The following DSCAML1 variants were observed in gnomAD, a reference collection of about 807,000 sequenced individuals.
DSCAML1 encodes cell adhesion molecule DSCAML1.
DSCAML1 carries 38 observed loss-of-function variants against 200.5 expected under a neutral mutation model. The observed-to-expected ratio is 0.19, with a 90% CI of 0.15 to 0.25. The LOEUF is 0.25. Ranked by LOEUF, DSCAML1 falls within the 10% of genes least tolerant of loss-of-function variation. The pLI is 1.00. For synonymous variants in DSCAML1, 1,215 were observed against 1,165.0 expected (o/e 1.04, Z -0.87); for missense variants, 2,223 against 2,858.8 (o/e 0.78, Z 5.07).
Position 117,505,847 on chromosome 11 carries a change from T to C in DSCAML1, c.1784-115A>G, listed in dbSNP as rs2049485941. On this transcript the variant is annotated intron_variant, in intron 8 of 32. Coordinates refer to ENST00000651296, the MANE Select transcript of DSCAML1 (RefSeq NM_020693.4). This position sits in a 1 kb window ranked among gnomAD's most constrained non-coding sequence, Gnocchi z 6.7. ...GGTTGGGCCTTGAACAAAGATCCCC[T>C]GGGGCACTGCAGCCTTGTTCTCCTA... 1.6e-6 allele frequency: 2 copies of C among 1,288,078 alleles called. No individual in the cohort carries two copies. Among genetic ancestry groups the C allele is most frequent in the Non-Finnish European group, 2.1e-6 (2 of 950,686 alleles). The allele number at this position is 1,288,078 out of a possible 1,614,324, so 79.8% of individuals were successfully genotyped here. A position where few individuals can be genotyped will look rare whatever the true frequency, so the allele number is the denominator to read the frequency against.
chr11:117,568,872 TA>T (rs2050800017), intron 3 of DSCAML1, among the ~76,000 whole-genome samples: 1 of 152,144 alleles, frequency 6.6e-6, no homozygotes, highest in Admixed American at 6.5e-5. Flanking sequence ...AAAACTACTT[TA>T]AAGTTCATGT....
intron 16 of DSCAML1, among the ~76,000 whole-genome samples, chr11:117,467,235 A>G (rs1475853085): frequency 8.7e-6 from 1 of 115,476 alleles, no homozygotes; most frequent in Non-Finnish European, 1.6e-5. Flanking sequence ...ATTCACACCC[A>G]GAACCAGGAA....
intron 1 of DSCAML1, among the ~76,000 whole-genome samples, chr11:117,789,207 C>T (rs974699425): frequency 2.6e-5 from 4 of 152,206 alleles, no homozygotes; most frequent in Non-Finnish European, 4.4e-5. Context: ...GGAGACGCAG[C>T]TATCCTTCAA....
intron 1 of DSCAML1, among the ~76,000 whole-genome samples, chr11:117,810,234 G>A (rs2055749750): frequency 6.7e-6 from 1 of 150,008 alleles, no homozygotes; most frequent in Non-Finnish European, 1.5e-5. Flanking sequence ...CCCAAACTCC[G>A]TGGACCCAAA....
At position 117,761,219 on chromosome 11, in the gene DSCAML1, C is replaced by A. The variant is rs76590644; in HGVS notation, c.511+15572G>T. Among the ~76,000 whole-genome samples, 572 of 152,296 alleles carry A rather than the reference C, an allele frequency of 3.8e-3. 3 individuals carry two copies. The highest frequency in any genetic ancestry group is 0.013 in the African/African-American group (541 of 41,548). On this transcript the variant is annotated intron_variant, in intron 3 of 32. Coordinates refer to ENST00000651296, the MANE Select transcript of DSCAML1 (RefSeq NM_020693.4). ...GAGGTCTCACACTTGGACACCCAGC[C>A]CCCGGAGAAGGCGTCAAACCTGGAC...
chr11:117,809,621 C>T (rs1320364008), intron 1 of DSCAML1, among the ~76,000 whole-genome samples: 1 of 152,218 alleles, frequency 6.6e-6, no homozygotes, highest in Non-Finnish European at 1.5e-5. Flanking sequence ...GGAGGCTGGG[C>T]TCACTCCCTG....
At chr11:117,554,386 A>ATTT (rs2050521046) in intron 3 of DSCAML1, among the ~76,000 whole-genome samples, 1 of 133,196 alleles carries the variant, frequency 7.5e-6, no homozygotes, top group African/African-American at 2.5e-5. Flanking sequence ...ATTATTTATT[A>ATTT]TTTTTATTTT....
At chr11:117,718,668 A>AACCCCCC (rs1491277934) in intron 3 of DSCAML1, among the ~76,000 whole-genome samples, 1 of 25,782 alleles carries the variant, frequency 3.9e-5, no homozygotes, top group African/African-American at 9.4e-5. Context: ...AATACTCAAA[A>AACCCCCC]CCCCCCCCCC....
At chr11:117,451,960 T>C (rs2048291949) in intron 19 of DSCAML1, among the ~76,000 whole-genome samples, 1 of 152,168 alleles carries the variant, frequency 6.6e-6, no homozygotes, top group African/African-American at 2.4e-5. Flanking sequence ...AGTCAATCAT[T>C]TGGGGCTAAA....
intron 3 of DSCAML1, chr11:117,668,510 A>G (rs2053027837): frequency 6.6e-6 from 1 of 152,354 alleles, no homozygotes; most frequent in South Asian, 2.1e-4. Flanking sequence ...TCATTATGCT[A>G]TAGCCCAGCG....
chr11:117,665,126 G>C (rs1384977534), intron 3 of DSCAML1, among the ~76,000 whole-genome samples: 2 of 152,128 alleles, frequency 1.3e-5, no homozygotes, highest in Non-Finnish European at 2.9e-5. Context: ...GAGCCCTCGA[G>C]CTGCTCCCAG....
intron 3 of DSCAML1, among the ~76,000 whole-genome samples, chr11:117,649,310 T>C (rs1027798415): frequency 2.6e-5 from 4 of 152,136 alleles, no homozygotes; most frequent in African/African-American, 9.7e-5. Context: ...ACTCCTGACC[T>C]CAGGTGATCT....
chr11:117,651,191 AC>A (rs2052624792), intron 3 of DSCAML1, among the ~76,000 whole-genome samples: 1 of 152,238 alleles, frequency 6.6e-6, no homozygotes, highest in East Asian at 1.9e-4. Context: ...GTCCATGGCT[AC>A]TGGACCAGGG....
At chr11:117,564,559 G>A (rs2050720358) in intron 3 of DSCAML1, among the ~76,000 whole-genome samples, 1 of 152,030 alleles carries the variant, frequency 6.6e-6, no homozygotes, top group Admixed American at 6.5e-5. Context: ...GCTCTTGCTG[G>A]TCCCTCTGCT....
chr11:117,776,279 T>C (rs574338758), intron 3 of DSCAML1, among the ~76,000 whole-genome samples: 2 of 151,716 alleles, frequency 1.3e-5, no homozygotes, highest in African/African-American at 4.8e-5. Context: ...TCCAATGGAG[T>C]CTTTAGCCAA....
Position 117,812,521 on chromosome 11 carries a change from C to T in DSCAML1, c.-250+4869G>A, listed in dbSNP as rs540527594. 5.0e-4 allele frequency among the ~76,000 whole-genome samples: 76 copies of T among 152,126 alleles called. No homozygotes were observed. The South Asian group carries it at 6.0e-3, about 12-fold the overall frequency. On this transcript the variant is annotated intron_variant, in intron 1 of 2. Coordinates refer to the DSCAML1 transcript ENST00000525836. ...CCATTATTCTGTTCTGGATCTCAAA[C>T]GTGCTTTCTTTACTATTCCTTTGCA...
intron 3 of DSCAML1, among the ~76,000 whole-genome samples, chr11:117,685,679 C>T (rs1453057061): frequency 2.0e-5 from 3 of 152,212 alleles, no homozygotes; most frequent in Non-Finnish European, 4.4e-5. Context: ...GGAAAGCACG[C>T]GTACCTCTGG....
intron 11 of DSCAML1, among the ~76,000 whole-genome samples, chr11:117,486,306 T>TGGCGGATGGGAA (rs1565731027): frequency 6.5e-5 from 8 of 123,978 alleles, no homozygotes; most frequent in African/African-American, 1.4e-4. Context: ...GATGTGAAAG[T>TGGCGGATGGGAA]AGTGGATGTG....
upstream of DSCAML1, among the ~76,000 whole-genome samples, chr11:117,799,084 G>A (rs532714955): frequency 3.2e-4 from 49 of 152,250 alleles, no homozygotes; most frequent in African/African-American, 7.7e-4. Context: ...AGCCTTCCCC[G>A]AGGTCACGCA....
Sources: gnomAD v4.1 joint callset for allele counts (sites outside exome capture counted in the v4.1 genomes callset) on GRCh38, gnomAD v4.1.1 for gene constraint, Gnocchi (gnomAD v3.1) non-coding constraint, MANE v1.5 for transcripts, NCBI Gene and HGNC (gene_info 2026-07-23, HGNC 2026-07-21) for gene names.